FARS2: variants seen among roughly 807,000 people sequenced by gnomAD.
The protein encoded by FARS2 is phenylalanyl-tRNA synthetase 2, mitochondrial.
A neutral mutation model predicts 46.4 loss-of-function variants in FARS2; 40 were observed. That is an observed-to-expected ratio of 0.86 (90% CI 0.67 to 1.12). The LOEUF (loss-of-function observed/expected upper bound fraction) is 1.12, where lower values mean the gene tolerates loss of function less well. Ranked by LOEUF, FARS2 falls within the 50% of genes most tolerant of loss-of-function variation. The probability of loss-of-function intolerance (pLI) is 0.00; values close to 1 mark genes in which losing one functional copy is unlikely to be tolerated. For missense variants in FARS2, 513 were observed against 567.9 expected, an observed-to-expected ratio of 0.90 and a Z score of 0.98; for synonymous variants, 234 against 214.9, an observed-to-expected ratio of 1.09 and a Z score of -0.78.
At chr6:5,525,330 G>A (rs1769395313) in intron 4 of FARS2, among the ~76,000 whole-genome samples, 1 of 152,084 alleles carries the variant, frequency 6.6e-6, no homozygotes, top group Non-Finnish European at 1.5e-5. Context: ...GAAATCAGTA[G>A]CTGGCATTTT....
At chr6:5,745,800 A>T (rs569514686) in intron 6 of FARS2, among the ~76,000 whole-genome samples, 2 of 152,338 alleles carry the variant, frequency 1.3e-5, no homozygotes, top group South Asian at 4.1e-4. Context: ...TCGGCCTCAC[A>T]AAATGCTGGG....
At chr6:5,554,100 A>G (rs1304050351) in intron 5 of FARS2, among the ~76,000 whole-genome samples, 4 of 152,162 alleles carry the variant, frequency 2.6e-5, no homozygotes, top group Non-Finnish European at 5.9e-5. Context: ...TGGATTTCCA[A>G]CAGTTGTAAA....
rs943608246 is a variant in FARS2 at position 5,658,116 on chromosome 6, C to T, written c.1217+44796C>T. ...TACTAAAAGTACAAAGTTTGCTGGG[C>T]GTGGTGGTGCATGTCTGTAATCCCA... On this transcript the variant is annotated intron_variant, in intron 6 of 6. Coordinates refer to ENST00000274680, the MANE Select transcript of FARS2 (RefSeq NM_006567.5). Among the ~76,000 whole-genome samples, 3 of 152,004 alleles carry T rather than the reference C, an allele frequency of 2.0e-5. No homozygotes were observed. Among genetic ancestry groups the T allele is most frequent in the Non-Finnish European group, 2.9e-5 (2 of 67,998 alleles).
chr6:5,482,300 T>C (rs1766513573), intron 4 of FARS2, among the ~76,000 whole-genome samples: 1 of 152,194 alleles, frequency 6.6e-6, no homozygotes, highest in South Asian at 2.1e-4. Context: ...TTTCTAGTGG[T>C]AAATTACACA....
chr6:5,269,524 T>C (rs77022551), intron 1 of FARS2, among the ~76,000 whole-genome samples: 3,477 of 152,206 alleles, frequency 0.023, 109 homozygotes, highest in African/African-American at 0.077. Context: ...CATTGCTGTT[T>C]AGCAGTATCT....
At chr6:5,617,371 A>G (rs1023434850) in intron 6 of FARS2, among the ~76,000 whole-genome samples, 1 of 152,248 alleles carries the variant, frequency 6.6e-6, no homozygotes, top group Admixed American at 6.5e-5. Context: ...GCCAAAGGGC[A>G]TGGCTGCCAA....
chr6:5,467,590 C>G (rs1042502776), intron 4 of FARS2, among the ~76,000 whole-genome samples: 1 of 152,178 alleles, frequency 6.6e-6, no homozygotes, highest in Non-Finnish European at 1.5e-5. Flanking sequence ...TGACAGTACC[C>G]CCACCATGCT....
At chr6:5,357,119 G>T (rs1481090441) in intron 1 of FARS2, among the ~76,000 whole-genome samples, 1 of 152,050 alleles carries the variant, frequency 6.6e-6, no homozygotes, top group Non-Finnish European at 1.5e-5. Context: ...ATAAAAAGTT[G>T]TTTGATGTCC....
chr6:5,462,691 G>T (rs1316930823), intron 4 of FARS2, among the ~76,000 whole-genome samples: 4 of 152,144 alleles, frequency 2.6e-5, no homozygotes, highest in Non-Finnish European at 4.4e-5. Context: ...TCTGTATATA[G>T]AACTGTGCAG....
intron 6 of FARS2, among the ~76,000 whole-genome samples, chr6:5,692,779 T>C (rs750185887): frequency 5.3e-5 from 8 of 152,230 alleles, no homozygotes; most frequent in Non-Finnish European, 1.0e-4. Context: ...TGGGATATGA[T>C]GTGTGTGCGT....
At chr6:5,330,723 G>C (rs904424720) in intron 1 of FARS2, among the ~76,000 whole-genome samples, 2 of 152,188 alleles carry the variant, frequency 1.3e-5, no homozygotes, top group African/African-American at 4.8e-5. Context: ...TAATGGGGTA[G>C]TTAAAGTTGA....
At chr6:5,307,935 A>G (rs557639835) in intron 1 of FARS2, among the ~76,000 whole-genome samples, 1 of 151,808 alleles carries the variant, frequency 6.6e-6, no homozygotes, top group Admixed American at 6.5e-5. Context: ...ATCTCTCAAC[A>G]CTAAAGTAAA....
intron 5 of FARS2, among the ~76,000 whole-genome samples, chr6:5,593,301 C>CG (rs1774022670): frequency 1.3e-5 from 2 of 151,572 alleles, no homozygotes; most frequent in African/African-American, 4.9e-5. Flanking sequence ...CTCCCGCCCC[C>CG]ACCGGCCTCT....
chr6:5,545,656 G>T (rs1378925203), intron 5 of FARS2, among the ~76,000 whole-genome samples: 3 of 152,050 alleles, frequency 2.0e-5, no homozygotes, highest in Admixed American at 6.5e-5. Flanking sequence ...TCCCCTCCCT[G>T]TGTCCATGTG....
chr6:5,385,899 C>A (rs1001172520), intron 2 of FARS2, among the ~76,000 whole-genome samples: 2 of 152,146 alleles, frequency 1.3e-5, no homozygotes, highest in Non-Finnish European at 2.9e-5. Flanking sequence ...CCCTGGGGCT[C>A]AGGGGTCGCC....
chr6:5,341,027 A>C (rs1771521035), intron 1 of FARS2, among the ~76,000 whole-genome samples: 1 of 150,798 alleles, frequency 6.6e-6, no homozygotes, highest in Non-Finnish European at 1.5e-5. Context: ...GTGCGCCTGT[A>C]ATCCCAGCTA....
chr6:5,308,026 A>AG (rs1342879201), intron 1 of FARS2, among the ~76,000 whole-genome samples: 3 of 152,212 alleles, frequency 2.0e-5, no homozygotes, highest in Non-Finnish European at 4.4e-5. Flanking sequence ...TAAGGACAGT[A>AG]GGGAAGGTGT....
chr6:5,486,982 A>G (rs1341124213), intron 4 of FARS2, among the ~76,000 whole-genome samples: 1 of 151,318 alleles, frequency 6.6e-6, no homozygotes, highest in Non-Finnish European at 1.5e-5. Flanking sequence ...AACATCACAC[A>G]GAATCCTAGA....
intron 5 of FARS2, among the ~76,000 whole-genome samples, chr6:5,562,649 C>G (rs1772054798): frequency 6.6e-6 from 1 of 150,968 alleles, no homozygotes; most frequent in Non-Finnish European, 1.5e-5. Context: ...GTAAGTCAGT[C>G]AAATGGATAT....
Sources: allele counts gnomAD v4.1 joint callset (sites outside exome capture counted in the v4.1 genomes callset), GRCh38; gene constraint gnomAD v4.1.1; transcripts MANE v1.5; gene names NCBI Gene and HGNC (gene_info 2026-07-23, HGNC 2026-07-21).